CENPC: variants seen among roughly 807,000 people sequenced by gnomAD.
The protein encoded by CENPC is centromere protein C.
In CENPC, 63 loss-of-function variants were observed where a neutral mutation model predicts 112.1. The observed-to-expected ratio is 0.56, with a 90% CI of 0.46 to 0.69. The LOEUF (loss-of-function observed/expected upper bound fraction) is 0.69. Among genes scored for constraint, CENPC ranks in the 30% least tolerant of loss-of-function variants. The probability of loss-of-function intolerance (pLI) is 0.00; values close to 1 mark genes in which losing one functional copy is unlikely to be tolerated. For missense variants in CENPC, 1,000 were observed against 1,103.8 expected (o/e 0.91, Z 1.33); for synonymous variants, 333 against 367.6 (o/e 0.91, Z 1.08).
At chr4:67,501,129 G>A (rs889889668) in intron 12 of CENPC, among the ~76,000 whole-genome samples, 6 of 152,086 alleles carry the variant, frequency 3.9e-5, no homozygotes, top group Non-Finnish European at 7.4e-5. Context: ...CCAACAAGGT[G>A]AAAGCCTGTC....
chr4:67,544,305 T>C (rs757667108), intron 1 of CENPC, 110 bp from the exon 2 acceptor site: 15 of 634,764 alleles, frequency 2.4e-5, no homozygotes, highest in Non-Finnish European at 4.3e-5. Flanking sequence ...AAACATCTCC[T>C]AAGGGCTCAA....
At chr4:67,473,457 A>T (rs907913163) in intron 18 of CENPC, among the ~76,000 whole-genome samples, 1 of 152,216 alleles carries the variant, frequency 6.6e-6, no homozygotes, top group African/African-American at 2.4e-5. Flanking sequence ...GTCTCCTTCC[A>T]ACAGAATGTA....
At chr4:67,497,176 G>A (rs907560603) in intron 12 of CENPC, among the ~76,000 whole-genome samples, 9 of 151,846 alleles carry the variant, frequency 5.9e-5, no homozygotes, top group East Asian at 5.8e-4. Flanking sequence ...TCAGGAGTTC[G>A]AGACCAGCCT....
chr4:67,544,227 C>A, intron 1 of CENPC, 32 bp from the exon 2 acceptor site: 1 of 1,295,342 alleles, frequency 7.7e-7, no homozygotes, highest in Non-Finnish European at 1.1e-6. Flanking sequence ...AATTTGGTTT[C>A]TTTAAGATAG....
intron 4 of CENPC, among the ~76,000 whole-genome samples, chr4:67,536,956 T>C (rs909213851): frequency 6.6e-6 from 1 of 150,684 alleles, no homozygotes; most frequent in Admixed American, 6.6e-5. Flanking sequence ...ATTCCTTAGC[T>C]TAGGGAGGAT....
chr4:67,527,060 T>C (rs1203487452), intron 5 of CENPC, among the ~76,000 whole-genome samples: 2 of 152,074 alleles, frequency 1.3e-5, no homozygotes, highest in East Asian at 3.8e-4. Flanking sequence ...AAAAGATATT[T>C]AAAAATACAT....
In CENPC at chr4:67,520,997, G is replaced by A. The variant is rs1292380319; in HGVS notation, c.332-1495C>T. 3.3e-5 allele frequency among the ~76,000 whole-genome samples: 5 copies of A among 151,550 alleles called. No individual in the cohort carries two copies. In the East Asian group the frequency reaches 9.7e-4, roughly 29 times the overall value. On this transcript the variant is annotated intron_variant, in intron 5 of 18. Transcript: ENST00000273853. Reference sequence around the variant, plus strand: ...ACTGCCCTCCAGCCTGAGCGACAGAGCAAGACTCTGTCTCAAAAAATAAAC... The same window carrying A: ...ACTGCCCTCCAGCCTGAGCGACAGAACAAGACTCTGTCTCAAAAAATAAAC...
At chr4:67,509,322 A>G (rs1268852158) in intron 9 of CENPC, among the ~76,000 whole-genome samples, 1 of 152,034 alleles carries the variant, frequency 6.6e-6, no homozygotes, top group East Asian at 1.9e-4. Flanking sequence ...TTATAGATAT[A>G]TGAAACAGGC....
chr4:67,514,476 C>T lies in CENPC; in HGVS notation c.1042G>A (p.Glu348Lys). ...TTAGGTAATATATTATGATGCTTTT[C>T]TCTTGACTTTCTACCTTGAAGGAGT... ...TALLQGRKSR[E>K]KHHNILPKTL... The change falls in exon 8 of 19, where the codon GAA (glutamate) becomes AAA (lysine). Residue 348 changes from glutamate (E) to lysine (K), a missense_variant. By Grantham distance (56) the Glu-to-Lys change is moderately conservative. Coordinates refer to ENST00000273853, the MANE Select transcript of CENPC (RefSeq NM_001812.4). 6.2e-7 allele frequency: 1 copy of T among 1,613,524 alleles called. No individual in the cohort carries two copies. The highest frequency in any genetic ancestry group is 8.5e-7 in the Non-Finnish European group (1 of 1,179,794).
chr4:67,519,153 C>T (rs1379573885), intron 6 of CENPC, 64 bp downstream of exon 6: 9 of 1,204,416 alleles, frequency 7.5e-6, no homozygotes, highest in South Asian at 1.7e-5. Flanking sequence ...GATTGAATTA[C>T]CATTTTTTAA....
chr4:67,519,148 A>G, intron 6 of CENPC, 69 bp downstream of exon 6: 1 of 1,143,352 alleles, frequency 8.7e-7, no homozygotes, highest in Non-Finnish European at 1.2e-6. Context: ...AACAAGATTG[A>G]ATTACCATTT....
At position 67,508,831 on chromosome 4, in the gene CENPC, T is replaced by C; in HGVS notation, c.1887A>G (p.Lys629=). 1 of 1,613,162 alleles carries C rather than the reference T, an allele frequency of 6.2e-7. No homozygotes were observed. The highest frequency in any genetic ancestry group is 8.5e-7 in the Non-Finnish European group (1 of 1,179,574). The change falls in exon 10 of 19, where the codon AAA becomes AAG. Residue 629 remains lysine (K), a synonymous_variant. Coordinates refer to ENST00000273853, the MANE Select transcript of CENPC (RefSeq NM_001812.4). ...GACATTACCTAGAACAATCAAGATT[T>C]TTCTTCTTAGCCAAGTCTGCCTCAT... ...ESDEADLAKK[K]NLDCSRSTRS...
intron 4 of CENPC, among the ~76,000 whole-genome samples, chr4:67,539,491 TA>T (rs1726821296): frequency 6.6e-6 from 1 of 152,176 alleles, no homozygotes; most frequent in South Asian, 2.1e-4. Context: ...TTTCCCCGTA[TA>T]ACAATGAAGT....
chr4:67,486,968 G>GTTTTTTTTT lies in CENPC; in HGVS notation c.2670+2990_2670+2998dup, dbSNP rs58948980. 4.6e-5 allele frequency among the ~76,000 whole-genome samples: 6 copies of GTTTTTTTTT among 131,830 alleles called. 1 individual carries two copies. Among genetic ancestry groups the GTTTTTTTTT allele is most frequent in the Admixed American group, 1.6e-4 (2 of 12,552 alleles). The allele number at this position is 131,830 out of a possible 152,430, so 86.5% of individuals were successfully genotyped here. A position where few individuals can be genotyped will look rare whatever the true frequency, so the allele number is the denominator to read the frequency against. On this transcript the variant is annotated intron_variant, in intron 17 of 18. Transcript: ENST00000273853. ...ATTCAGGTTTTGTATTTGCTTTTAG[G>GTTTTTTTTT]TTTTTTTTTTTTTTTTTCTTTTTTA...
At chr4:67,510,821 A>G (rs1161257101) in intron 9 of CENPC, 4 of 336,376 alleles carry the variant, frequency 1.2e-5, no homozygotes, top group Non-Finnish European at 2.3e-5. Flanking sequence ...ATCAGATGAG[A>G]GTTTAGACTA....
chr4:67,487,958 T>C (rs1313226974), intron 17 of CENPC, among the ~76,000 whole-genome samples: 2 of 151,692 alleles, frequency 1.3e-5, no homozygotes, highest in Non-Finnish European at 2.9e-5. Flanking sequence ...TGTTTTAAAA[T>C]GTAAAAATAC....
chr4:67,521,418 T>C (rs186667681), intron 5 of CENPC, among the ~76,000 whole-genome samples: 13 of 152,282 alleles, frequency 8.5e-5, no homozygotes, highest in Admixed American at 1.3e-4. Flanking sequence ...TAAGTAGTGA[T>C]TTTTAAATAT....
chr4:67,517,636 G>A (rs746371789), intron 7 of CENPC, among the ~76,000 whole-genome samples: 2 of 150,606 alleles, frequency 1.3e-5, no homozygotes, highest in African/African-American at 2.4e-5. Context: ...TCAGGAGTTC[G>A]AGACCAGCCT....
At position 67,497,801 on chromosome 4, in the gene CENPC, GCTCC is replaced by G. The variant is rs1344814646; in HGVS notation, c.2132-2593_2132-2590del. On this transcript the variant is annotated intron_variant, in intron 12 of 18. Transcript: ENST00000273853. ...GCCTCGCCTCCCAAAGTGTTGGGTGGCTCCCAAAGTGAGCCACCATACCCAGCCA... is the reference window on the plus strand; with the variant it reads ...GCCTCGCCTCCCAAAGTGTTGGGTGGCAAAGTGAGCCACCATACCCAGCCA... 1.9e-3 allele frequency among the ~76,000 whole-genome samples: 48 copies of G among 24,948 alleles called. No homozygotes were observed. In the East Asian group the frequency reaches 0.09, roughly 47 times the overall value. The allele number at this position is 24,948 out of a possible 152,430, so 16.4% of individuals were successfully genotyped here. A position where few individuals can be genotyped will look rare whatever the true frequency, so the allele number is the denominator to read the frequency against.
Sources: gnomAD v4.1 joint callset for allele counts (sites outside exome capture counted in the v4.1 genomes callset) on GRCh38, gnomAD v4.1.1 for gene constraint, MANE v1.5 for transcripts, NCBI Gene and HGNC (gene_info 2026-07-23, HGNC 2026-07-21) for gene names.